Variants in ESR1 observed in about 807,000 individuals in gnomAD.
The protein encoded by ESR1 is estrogen receptor 1.
In ESR1, 12 loss-of-function variants were observed where a neutral mutation model predicts 52.7. That is an observed-to-expected ratio of 0.23 (90% CI 0.15 to 0.37). ESR1 has a LOEUF of 0.37. Ranked by LOEUF, ESR1 falls within the 10% of genes least tolerant of loss-of-function variation. ESR1 has a pLI of 1.00. For missense variants in ESR1, 584 were observed against 779.7 expected (o/e 0.75, Z 2.99); for synonymous variants, 305 against 316.8 (o/e 0.96, Z 0.39).
At chr6:151,808,527 C>T (rs1778257695) in intron 1 of ESR1, among the ~76,000 whole-genome samples, 163 bp downstream of exon 1, 2 of 152,128 alleles carry the variant, frequency 1.3e-5, no homozygotes, top group Admixed American at 6.5e-5. Flanking sequence ...CCCGGGGGTT[C>T]TGCGTGCAGC....
At chr6:152,018,230 G>GA (rs929364255) in intron 5 of ESR1, among the ~76,000 whole-genome samples, 177 of 132,408 alleles carry the variant, frequency 1.3e-3, no homozygotes, top group African/African-American at 4.4e-3. Flanking sequence ...ATTTTAAATA[G>GA]AAAAAAAAAA....
chr6:151,671,296 G>C (rs1285844584), intron 1 of ESR1, among the ~76,000 whole-genome samples: 3 of 152,166 alleles, frequency 2.0e-5, no homozygotes, highest in Non-Finnish European at 4.4e-5. Context: ...TCCATCAACA[G>C]ATGAATGGAT....
chr6:151,794,847 A>G (rs564695393), intron 2 of ESR1, among the ~76,000 whole-genome samples: 3 of 152,304 alleles, frequency 2.0e-5, no homozygotes, highest in East Asian at 1.9e-4. Flanking sequence ...CCAAATTTCA[A>G]TGATGTGTCA....
intron 4 of ESR1, among the ~76,000 whole-genome samples, chr6:151,967,404 A>G (rs1414889315): frequency 6.6e-6 from 1 of 152,018 alleles, no homozygotes. Flanking sequence ...CTCATTATTC[A>G]ACTCCCCCTT....
At chr6:151,783,449 C>A (rs375967550) in intron 2 of ESR1, among the ~76,000 whole-genome samples, 1 of 152,116 alleles carries the variant, frequency 6.6e-6, no homozygotes, top group Non-Finnish European at 1.5e-5. Flanking sequence ...CAGGTATAGA[C>A]GATAATTGAA....
chr6:151,899,596 C>T (rs1260069721), intron 3 of ESR1, among the ~76,000 whole-genome samples: 6 of 150,364 alleles, frequency 4.0e-5, no homozygotes, highest in African/African-American at 7.3e-5. Flanking sequence ...ACCTCCCTCC[C>T]GGACGGGGTG....
chr6:152,094,702 G>A lies in ESR1; in HGVS notation c.1553+134G>A. 1 of 818,988 alleles carries A rather than the reference G, an allele frequency of 1.2e-6. No individual in the cohort carries two copies. The highest frequency in any genetic ancestry group is 1.5e-5 in the South Asian group (1 of 67,428). 50.7% of individuals were successfully genotyped at this position (818,988 alleles called of 1,614,324 possible). On this transcript the variant is annotated intron_variant, in intron 7 of 7. Transcript: ENST00000206249. The surrounding 1 kb of genome is among the most constrained non-coding windows in gnomAD (Gnocchi z 4.6). ...TGTGACAGTTCCTGGCATAGAATAA[G>A]CATAAATGCTATAGGAGGACAGAAG...
At chr6:151,952,247 C>A (rs1200970038) in intron 4 of ESR1, among the ~76,000 whole-genome samples, 1 of 152,132 alleles carries the variant, frequency 6.6e-6, no homozygotes, top group African/African-American at 2.4e-5. Context: ...AAATGCAGAA[C>A]CAGATTATGC....
chr6:151,888,093 G>A (rs755138349), intron 3 of ESR1, among the ~76,000 whole-genome samples: 4 of 152,120 alleles, frequency 2.6e-5, no homozygotes, highest in Non-Finnish European at 4.4e-5. Flanking sequence ...TTTGAGTCAG[G>A]TAGTGTTATG....
intron 2 of ESR1, among the ~76,000 whole-genome samples, chr6:151,742,975 G>A (rs978362580): frequency 6.6e-6 from 1 of 152,220 alleles, no homozygotes; most frequent in African/African-American, 2.4e-5. Context: ...CTTCAAGGCT[G>A]CCTCTTTCAG....
chr6:151,760,775 G>A (rs1316735110), intron 2 of ESR1, among the ~76,000 whole-genome samples: 2 of 152,220 alleles, frequency 1.3e-5, no homozygotes, highest in African/African-American at 4.8e-5. Flanking sequence ...AGAACTAGAT[G>A]GAGGCTATGT....
At chr6:151,940,724 C>T (rs553128660) in intron 3 of ESR1, among the ~76,000 whole-genome samples, 38 of 152,288 alleles carry the variant, frequency 2.5e-4, no homozygotes, top group African/African-American at 8.7e-4. Context: ...GCAGTTCATT[C>T]GTTCATTAAT....
At chr6:151,734,685 C>T (rs142310833) in intron 2 of ESR1, among the ~76,000 whole-genome samples, 1,818 of 152,020 alleles carry the variant, frequency 0.012, 32 homozygotes, top group African/African-American at 0.04. Flanking sequence ...TGCAGTGGTG[C>T]GATCTAGGCT....
At chr6:151,725,488 A>G (rs1455413031) in intron 2 of ESR1, among the ~76,000 whole-genome samples, 2 of 152,164 alleles carry the variant, frequency 1.3e-5, no homozygotes, top group Non-Finnish European at 2.9e-5. Context: ...TAAAGTCTCC[A>G]ATTATTGGTT....
Position 151,960,259 on chromosome 6 carries a change from G to T in ESR1, c.1096+15751G>T, listed in dbSNP as rs58065669. 3.7e-4 allele frequency among the ~76,000 whole-genome samples: 56 copies of T among 152,040 alleles called. 1 individual carries two copies. Among genetic ancestry groups the T allele is most frequent in the Non-Finnish European group, 1.3e-4 (9 of 68,012 alleles). ...GGGATACACCAAGCCCTGCCTCCCC[G>T]GTGCTTAACATTCTAGTGGGGGAGA... is the stretch of plus-strand genomic sequence containing the variant. On this transcript the variant is annotated intron_variant, in intron 4 of 7. Transcript: ENST00000206249.
At chr6:151,863,929 TA>T (rs1406843409) in intron 2 of ESR1, among the ~76,000 whole-genome samples, 1 of 152,174 alleles carries the variant, frequency 6.6e-6, no homozygotes, top group Non-Finnish European at 1.5e-5. Flanking sequence ...ATTAAAGACT[TA>T]AATGTTAGAA....
downstream of ESR1, among the ~76,000 whole-genome samples, chr6:152,105,025 A>G (rs1481635850): frequency 2.0e-5 from 3 of 152,176 alleles, no homozygotes; most frequent in Admixed American, 2.0e-4. Context: ...GTTGGTGAAC[A>G]CTTGGGGGTG....
chr6:151,788,611 C>A (rs1787239055), intron 2 of ESR1, among the ~76,000 whole-genome samples: 1 of 152,050 alleles, frequency 6.6e-6, no homozygotes, highest in South Asian at 2.1e-4. Flanking sequence ...GGTATATACC[C>A]AAATGGATAT....
intron 6 of ESR1, among the ~76,000 whole-genome samples, chr6:152,109,519 AAG>A (rs1477904827): frequency 6.6e-6 from 1 of 151,820 alleles, no homozygotes; most frequent in African/African-American, 2.4e-5. Context: ...AAAAAAAAGA[AAG>A]AAAGAAAATA....
Sources: allele counts gnomAD v4.1 joint callset (sites outside exome capture counted in the v4.1 genomes callset), GRCh38; gene constraint gnomAD v4.1.1; non-coding constraint Gnocchi (gnomAD v3.1); transcripts MANE v1.5; gene names NCBI Gene and HGNC (gene_info 2026-07-23, HGNC 2026-07-21).